The following CNTNAP2 variants were observed in gnomAD, a reference collection of about 807,000 sequenced individuals.
The protein encoded by CNTNAP2 is contactin associated protein 2.
Under a neutral mutation model 155.2 loss-of-function variants are expected in CNTNAP2, and 98 were observed. That is an observed-to-expected ratio of 0.63 (90% CI 0.54 to 0.75). CNTNAP2 has a LOEUF of 0.75. CNTNAP2 is among the 30% of genes least tolerant of loss of function. The pLI, the probability that CNTNAP2 is intolerant of heterozygous loss-of-function variation, is 0.00. For missense variants in CNTNAP2, 1,727 were observed against 1,688.1 expected (o/e 1.02, Z -0.40); for synonymous variants, 651 against 631.2 (o/e 1.03, Z -0.47).
intron 15 of CNTNAP2, among the ~76,000 whole-genome samples, chr7:148,050,546 G>T (rs1165126732): frequency 6.6e-6 from 1 of 152,140 alleles, no homozygotes; most frequent in Non-Finnish European, 1.5e-5. Context: ...AGTTTAGAAA[G>T]TAAAAAAAGT....
chr7:146,751,765 C>G (rs1396933201), intron 1 of CNTNAP2, among the ~76,000 whole-genome samples: 1 of 151,968 alleles, frequency 6.6e-6, no homozygotes, highest in African/African-American at 2.4e-5. Flanking sequence ...TCCTAATGCT[C>G]TCCCTCTCCT....
chr7:147,449,681 C>T lies in CNTNAP2; in HGVS notation c.1671-36254C>T, dbSNP rs528588484. ...AAAGGCTAAGATATAAACATCCAGTCAGTTTGATTTAAGGTGGAAAAAAAA... is the reference window on the plus strand; with the variant it reads ...AAAGGCTAAGATATAAACATCCAGTTAGTTTGATTTAAGGTGGAAAAAAAA... On this transcript the variant is annotated intron_variant, in intron 10 of 23. Transcript: ENST00000361727. 1.7e-3 allele frequency among the ~76,000 whole-genome samples: 266 copies of T among 152,104 alleles called. 1 individual carries two copies. The highest frequency in any genetic ancestry group is 6.2e-3 in the African/African-American group (256 of 41,482).
intron 13 of CNTNAP2, among the ~76,000 whole-genome samples, chr7:147,714,032 T>C (rs1199010099): frequency 6.6e-6 from 1 of 152,148 alleles, no homozygotes; most frequent in Admixed American, 6.6e-5. Context: ...TACTAGCTGT[T>C]ACCATTTATT....
intron 21 of CNTNAP2, among the ~76,000 whole-genome samples, chr7:148,366,811 G>A (rs946449081): frequency 1.3e-5 from 2 of 151,978 alleles, no homozygotes; most frequent in Non-Finnish European, 1.5e-5. Context: ...GTCTAAGACA[G>A]AGGAAAATGA....
chr7:147,531,485 T>G (rs1372867731), intron 11 of CNTNAP2, among the ~76,000 whole-genome samples: 1 of 152,216 alleles, frequency 6.6e-6, no homozygotes, highest in East Asian at 1.9e-4. Context: ...ACATGGAATC[T>G]ACCAAGGCTT....
intron 1 of CNTNAP2, among the ~76,000 whole-genome samples, chr7:146,738,556 C>T (rs2129180663): frequency 6.6e-6 from 1 of 151,586 alleles, no homozygotes; most frequent in African/African-American, 2.4e-5. Flanking sequence ...GCTGCCTGTG[C>T]TTTTGATGTC....
intron 15 of CNTNAP2, among the ~76,000 whole-genome samples, chr7:148,050,465 A>G (rs1240440479): frequency 6.6e-6 from 1 of 152,198 alleles, no homozygotes; most frequent in Non-Finnish European, 1.5e-5. Flanking sequence ...ATATTTTTGT[A>G]TGGCTGTACA....
intron 3 of CNTNAP2, among the ~76,000 whole-genome samples, chr7:146,970,119 C>T (rs1222867720): frequency 6.6e-6 from 1 of 152,118 alleles, no homozygotes; most frequent in African/African-American, 2.4e-5. Context: ...AGAAGAAAAC[C>T]TAGACATTAC....
At chr7:146,759,807 C>G (rs1049099425) in intron 1 of CNTNAP2, among the ~76,000 whole-genome samples, 5 of 151,814 alleles carry the variant, frequency 3.3e-5, no homozygotes, top group African/African-American at 9.7e-5. Context: ...TCCAGGTTAC[C>G]CCTTATGGAA....
At chr7:148,102,470 A>G (rs890355968) in intron 15 of CNTNAP2, among the ~76,000 whole-genome samples, 9 of 152,230 alleles carry the variant, frequency 5.9e-5, no homozygotes, top group African/African-American at 2.2e-4. Flanking sequence ...AAAGATTTCT[A>G]CGCCTTTGGA....
intron 20 of CNTNAP2, among the ~76,000 whole-genome samples, chr7:148,247,673 A>C (rs1796296603): frequency 1.8e-5 from 2 of 113,970 alleles, no homozygotes; most frequent in Admixed American, 9.3e-5. Context: ...ATTTTTTTGG[A>C]GATAGAGTCC....
intron 1 of CNTNAP2, among the ~76,000 whole-genome samples, chr7:146,389,205 G>A (rs1270969106): frequency 1.4e-5 from 2 of 146,762 alleles, no homozygotes; most frequent in Non-Finnish European, 3.0e-5. Flanking sequence ...TTATTATGGA[G>A]CAAATTGTAG....
intron 1 of CNTNAP2, among the ~76,000 whole-genome samples, chr7:146,709,095 G>A (rs1220972996): frequency 1.3e-5 from 2 of 152,058 alleles, no homozygotes; most frequent in African/African-American, 4.8e-5. Context: ...ACATAATTGT[G>A]ATTTCATCTG....
chr7:147,859,830 A>G (rs1033008678), intron 13 of CNTNAP2, among the ~76,000 whole-genome samples: 4 of 152,238 alleles, frequency 2.6e-5, no homozygotes, highest in African/African-American at 9.6e-5. Flanking sequence ...TTATAGTATC[A>G]TTATCCATTA....
chr7:146,122,644 A>G (rs1458383845), intron 1 of CNTNAP2, among the ~76,000 whole-genome samples: 1 of 118,546 alleles, frequency 8.4e-6, no homozygotes, highest in East Asian at 2.4e-4. Flanking sequence ...TAGGACTTCC[A>G]AACTCTCCCA....
chr7:147,740,375 A>G (rs73472880), intron 13 of CNTNAP2, among the ~76,000 whole-genome samples: 10,340 of 152,256 alleles, frequency 0.068, 1,116 homozygotes, highest in African/African-American at 0.23. Context: ...ATGTTTAGGT[A>G]GAGAAACACA....
intron 1 of CNTNAP2, among the ~76,000 whole-genome samples, chr7:146,179,039 A>T (rs1269352473): frequency 6.6e-6 from 1 of 152,194 alleles, no homozygotes; most frequent in Admixed American, 6.5e-5. Flanking sequence ...TCCTGACTGA[A>T]ATAAACCAGG....
chr7:146,125,581 C>CAAAAAA (rs57234097), intron 1 of CNTNAP2, among the ~76,000 whole-genome samples: 9 of 58,866 alleles, frequency 1.5e-4, no homozygotes, highest in South Asian at 7.9e-4. Flanking sequence ...ACTCCGTCTC[C>CAAAAAA]AAAAAAAAAA....
chr7:146,413,680 C>A (rs957462350), intron 1 of CNTNAP2, among the ~76,000 whole-genome samples: 2 of 152,142 alleles, frequency 1.3e-5, no homozygotes, highest in African/African-American at 2.4e-5. Flanking sequence ...CTTTCTCCTG[C>A]TCCTCCTTCT....
Sources: gnomAD v4.1 joint callset for allele counts (sites outside exome capture counted in the v4.1 genomes callset) on GRCh38, gnomAD v4.1.1 for gene constraint, MANE v1.5 for transcripts, NCBI Gene and HGNC (gene_info 2026-07-23, HGNC 2026-07-21) for gene names.